PUM1: variants seen among roughly 807,000 people sequenced by gnomAD.
The protein encoded by PUM1 is pumilio RNA binding family member 1.
PUM1 carries 13 observed loss-of-function variants against 131.8 expected under a neutral mutation model. That is an observed-to-expected ratio of 0.10 (90% CI 0.06 to 0.16). PUM1 has a LOEUF of 0.16. PUM1 is among the 10% of genes least tolerant of loss of function. PUM1 has a pLI of 1.00. For synonymous variants in PUM1, 509 were observed against 556.5 expected (o/e 0.91, Z 1.20); for missense variants, 961 against 1,512.4 (o/e 0.64, Z 6.05).
intron 14 of PUM1, among the ~76,000 whole-genome samples, chr1:30,957,017 A>G (rs931189289): frequency 6.6e-6 from 1 of 151,742 alleles, no homozygotes; most frequent in African/African-American, 2.4e-5. Context: ...TAATACATTT[A>G]CCGTGAAGTT....
At chr1:30,968,333 G>A in intron 11 of PUM1, 21 bp downstream of exon 11, 1 of 1,586,682 alleles carries the variant, frequency 6.3e-7, no homozygotes, top group South Asian at 1.1e-5. Flanking sequence ...CAAAGTATTA[G>A]GAATAACAAT....
intron 5 of PUM1, among the ~76,000 whole-genome samples, chr1:31,003,567 G>T (rs547646096): frequency 4.6e-5 from 7 of 152,240 alleles, no homozygotes; most frequent in African/African-American, 1.4e-4. Flanking sequence ...GACCAGCCTG[G>T]CCAACATGGG....
At chr1:30,953,531 T>C (rs1570118845) in intron 15 of PUM1, among the ~76,000 whole-genome samples, 183 bp downstream of exon 15, 2 of 152,220 alleles carry the variant, frequency 1.3e-5, no homozygotes, top group Admixed American at 6.5e-5. Context: ...AGCCGAAGTG[T>C]ATGTATGTCT....
At position 31,059,383 on chromosome 1, in the gene PUM1, A is replaced by G; in HGVS notation, c.184T>C (p.Ser62Pro). 1 of 1,614,068 alleles carries G rather than the reference A, an allele frequency of 6.2e-7. No individual in the cohort carries two copies. Residue 62 changes from serine to proline, a missense_variant, in exon 2 of 22, where the codon TCC becomes CCC. Physicochemically the swap from Ser to Pro is moderately conservative, Grantham distance 74. Transcript: ENST00000426105. ...ANQALAAGTHSSPVPGSIGVA... is the reference protein window; with the variant it reads ...ANQALAAGTHPSPVPGSIGVA... ...CCTATAGATCCTGGGACAGGGCTGG[A>G]GTGAGTCCCAGCTGCAAGAGCCTGA...
chr1:31,017,524 C>CT (rs747554543), intron 3 of PUM1, among the ~76,000 whole-genome samples: 231 of 145,062 alleles, frequency 1.6e-3, no homozygotes, highest in African/African-American at 3.1e-3. Context: ...TTTTTTTCTT[C>CT]TTTTTTTTTT....
At chr1:31,029,939 G>A (rs1422577656) in intron 2 of PUM1, among the ~76,000 whole-genome samples, 1 of 150,488 alleles carries the variant, frequency 6.6e-6, no homozygotes, top group African/African-American at 2.4e-5. Context: ...AAAAAGGCTG[G>A]GCGCAGTGGC....
At chr1:30,950,411 A>T in intron 16 of PUM1, 150 bp from the exon 17 acceptor site, 2 of 763,972 alleles carry the variant, frequency 2.6e-6, no homozygotes, top group Non-Finnish European at 3.9e-6. Flanking sequence ...TTAAAGAGCC[A>T]TTGCTTCTTC....
At chr1:30,962,259 AAT>A (rs1216037545) in intron 14 of PUM1, among the ~76,000 whole-genome samples, 8 of 152,316 alleles carry the variant, frequency 5.3e-5, no homozygotes, top group Non-Finnish European at 1.0e-4. Flanking sequence ...AACTCACACT[AAT>A]AGTTATTTCC....
intron 14 of PUM1, 29 bp downstream of exon 14, chr1:30,964,645 C>A: frequency 6.4e-7 from 1 of 1,557,424 alleles, no homozygotes; most frequent in South Asian, 1.1e-5. Context: ...TTCTAGAGTT[C>A]AAGGTGGTGT....
chr1:31,026,821 G>A (rs1643238076), intron 3 of PUM1, among the ~76,000 whole-genome samples: 1 of 151,940 alleles, frequency 6.6e-6, no homozygotes, highest in Admixed American at 6.6e-5. Flanking sequence ...AATGGTAGTT[G>A]TTACTGTTAC....
chr1:31,011,180 C>CAT (rs1240022182), intron 3 of PUM1, among the ~76,000 whole-genome samples: 1 of 130,788 alleles, frequency 7.6e-6, no homozygotes, highest in African/African-American at 2.5e-5. Flanking sequence ...CACACACACA[C>CAT]ACACACACAC....
rs35507851 is a variant in PUM1 at position 31,038,984 on chromosome 1, A to ATTTTTTTTTTTTTTTT, written c.364-10136_364-10121dup. ...TATATATATATATATATATATATAT[A>ATTTTTTTTTTTTTTTT]TTTTTTTTTTTTTTTTCCTTTTCTC... On this transcript the variant is annotated intron_variant, in intron 2 of 21. Coordinates refer to ENST00000426105, the MANE Select transcript of PUM1 (RefSeq NM_001020658.2). Among the ~76,000 whole-genome samples, 7 of 49,416 alleles carry ATTTTTTTTTTTTTTTT rather than the reference A, an allele frequency of 1.4e-4. 1 individual carries two copies. Among genetic ancestry groups the ATTTTTTTTTTTTTTTT allele is most frequent in the African/African-American group, 1.0e-3 (5 of 4,830 alleles). The allele number at this position is 49,416 out of a possible 152,430, so 32.4% of individuals were successfully genotyped here. A position where few individuals can be genotyped will look rare whatever the true frequency, so the allele number is the denominator to read the frequency against.
chr1:30,964,654 G>T lies in PUM1; in HGVS notation c.2323+20C>A. On this transcript the variant is annotated intron_variant, in intron 14 of 21. Transcript: ENST00000426105. ...AGAGAGTTCTAGAGTTCAAGGTGGT[G>T]TTAGAGTAATGGTTCTTACCCAGGT... The T allele has an allele frequency of 1.3e-6, 2 of 1,575,752 alleles. No individual in the cohort carries two copies. The highest frequency in any genetic ancestry group is 1.7e-6 in the Non-Finnish European group (2 of 1,145,202).
At chr1:31,001,183 C>CA (rs988812321) in intron 5 of PUM1, among the ~76,000 whole-genome samples, 83 of 147,558 alleles carry the variant, frequency 5.6e-4, no homozygotes, top group African/African-American at 1.7e-3. Flanking sequence ...GACTCCGTCT[C>CA]AAAAAAAAAT....
chr1:30,951,353 C>A (rs1351439442), intron 16 of PUM1, among the ~76,000 whole-genome samples: 1 of 152,162 alleles, frequency 6.6e-6, no homozygotes, highest in Non-Finnish European at 1.5e-5. Flanking sequence ...TAGTCCAAAG[C>A]TGAAGAATTC....
At chr1:30,965,557 A>G (rs1425753066) in intron 13 of PUM1, among the ~76,000 whole-genome samples, 2 of 152,204 alleles carry the variant, frequency 1.3e-5, no homozygotes, top group African/African-American at 4.8e-5. Context: ...TCTACCTTAA[A>G]TTCTACTCAA....
intron 5 of PUM1, among the ~76,000 whole-genome samples, chr1:30,997,420 C>A (rs1642019545): frequency 6.6e-6 from 1 of 151,710 alleles, no homozygotes; most frequent in African/African-American, 2.4e-5. Context: ...ATCGCTTGAA[C>A]CCAGGAGGCA....
chr1:31,013,115 A>C (rs1642681536), intron 3 of PUM1, among the ~76,000 whole-genome samples: 1 of 152,226 alleles, frequency 6.6e-6, no homozygotes, highest in Admixed American at 6.5e-5. Flanking sequence ...TCCTATGTCA[A>C]ACTATCAGAC....
chr1:31,052,664 G>C (rs1422608585), intron 2 of PUM1, among the ~76,000 whole-genome samples: 2 of 150,624 alleles, frequency 1.3e-5, no homozygotes, highest in Non-Finnish European at 3.0e-5. Context: ...AATGTACCCA[G>C]CTTTATTTTC....
Sources: allele counts gnomAD v4.1 joint callset (sites outside exome capture counted in the v4.1 genomes callset), GRCh38; gene constraint gnomAD v4.1.1; transcripts MANE v1.5; gene names NCBI Gene and HGNC (gene_info 2026-07-23, HGNC 2026-07-21).